Variants in SETD2 observed in about 807,000 individuals in gnomAD.
The protein encoded by SETD2 is histone-lysine N-methyltransferase SETD2.
Under a neutral mutation model 242.1 loss-of-function variants are expected in SETD2, and 31 were observed. The ratio of observed to expected loss-of-function variants is 0.13; its 90% CI spans 0.10 to 0.17. The LOEUF is 0.17. SETD2 is among the 10% of genes least tolerant of loss of function. SETD2 has a pLI of 1.00. For missense variants in SETD2, 2,481 were observed against 3,046.3 expected (o/e 0.81, Z 4.37); for synonymous variants, 1,006 against 1,066.5 (o/e 0.94, Z 1.11).
At chr3:47,106,489 G>T (rs2042424341) in intron 5 of SETD2, among the ~76,000 whole-genome samples, 1 of 82,226 alleles carries the variant, frequency 1.2e-5, no homozygotes. Flanking sequence ...GAGGATTTTT[G>T]CTCTAAAAAA....
chr3:47,046,729 A>AT, intron 15 of SETD2, 108 bp from the exon 16 acceptor site: 2 of 990,004 alleles, frequency 2.0e-6, no homozygotes. Context: ...ACATTTTAAA[A>AT]TTTTTTGTTT....
chr3:47,096,800 A>G (rs1002566149), intron 9 of SETD2, among the ~76,000 whole-genome samples: 1 of 152,162 alleles, frequency 6.6e-6, no homozygotes, highest in Non-Finnish European at 1.5e-5. Flanking sequence ...TAAAAGAGAG[A>G]GAGAGAAAGA....
intron 12 of SETD2, among the ~76,000 whole-genome samples, chr3:47,079,540 T>C (rs916974598): frequency 1.3e-5 from 2 of 152,230 alleles, no homozygotes; most frequent in Non-Finnish European, 2.9e-5. Flanking sequence ...AATGACTTCA[T>C]TCAAAACCAG....
chr3:47,156,226 T>G (rs1241261213), intron 1 of SETD2, among the ~76,000 whole-genome samples: 1 of 152,192 alleles, frequency 6.6e-6, no homozygotes, highest in African/African-American at 2.4e-5. Flanking sequence ...TTGAGAAAAT[T>G]TATTACAAAT....
chr3:47,138,701 G>A (rs573765070), intron 1 of SETD2, among the ~76,000 whole-genome samples: 9 of 151,952 alleles, frequency 5.9e-5, no homozygotes, highest in East Asian at 1.9e-4. Context: ...GATTACAGGC[G>A]TGAGCCACCG....
At chr3:47,135,335 C>A (rs927607878) in intron 1 of SETD2, among the ~76,000 whole-genome samples, 3 of 152,174 alleles carry the variant, frequency 2.0e-5, no homozygotes, top group African/African-American at 7.2e-5. Flanking sequence ...GAGGCAGTGG[C>A]ACAATCTTGG....
At chr3:47,060,782 A>C (rs1405095909) in intron 14 of SETD2, among the ~76,000 whole-genome samples, 1 of 152,236 alleles carries the variant, frequency 6.6e-6, no homozygotes, top group Non-Finnish European at 1.5e-5. Flanking sequence ...ATGTATCAAA[A>C]GGTACAAAAA....
chr3:47,042,404 A>G (rs2039322943), intron 17 of SETD2, among the ~76,000 whole-genome samples, 157 bp downstream of exon 17: 1 of 152,228 alleles, frequency 6.6e-6, no homozygotes, highest in African/African-American at 2.4e-5. Flanking sequence ...TCTAACGTCT[A>G]AAATACACTT....
chr3:47,112,156 C>G (rs1181172364), intron 5 of SETD2, among the ~76,000 whole-genome samples: 1 of 150,208 alleles, frequency 6.7e-6, no homozygotes, highest in Admixed American at 6.6e-5. Context: ...CTCTGTCCCC[C>G]AGGCTGGAAT....
At chr3:47,099,465 T>C (rs1411909103) in intron 8 of SETD2, among the ~76,000 whole-genome samples, 1 of 152,204 alleles carries the variant, frequency 6.6e-6, no homozygotes, top group African/African-American at 2.4e-5. Flanking sequence ...AGATAGACTG[T>C]TTCACGGGTA....
intron 6 of SETD2, among the ~76,000 whole-genome samples, chr3:47,104,552 G>A (rs2042336339): frequency 6.6e-6 from 1 of 151,794 alleles, no homozygotes; most frequent in South Asian, 2.1e-4. Flanking sequence ...AAAAAAAAAA[G>A]TTATTTTTCA....
intron 14 of SETD2, among the ~76,000 whole-genome samples, chr3:47,061,124 A>G (rs2040313951): frequency 6.6e-6 from 1 of 152,182 alleles, no homozygotes; most frequent in Non-Finnish European, 1.5e-5. Flanking sequence ...AGGCTGAGGC[A>G]GGAGAATGGC....
chr3:47,066,970 G>C lies in SETD2; in HGVS notation c.6109+100C>G, dbSNP rs527375171. ...CATTTACCTAGTTATATATTCTCTA[G>C]TTTCAAAAACAAAAACGCTTAAGTT... is the stretch of plus-strand genomic sequence containing the variant. On this transcript the variant is annotated intron_variant, in intron 13 of 20. Transcript: ENST00000409792. 2.1e-4 allele frequency: 171 copies of C among 827,150 alleles called. No homozygotes were observed. In the African/African-American group the frequency reaches 2.9e-3, roughly 14 times the overall value. 51.2% of individuals were successfully genotyped at this position (827,150 alleles called of 1,614,324 possible).
chr3:47,121,365 T>C lies in SETD2; in HGVS notation c.3271A>G (p.Ser1091Gly), dbSNP rs1206755591. ...EETSPCSSRS[S>G]QSYRHYSDHW... ...TCAGAATAGTGTCTATAACTTTGACTGCTCCGAGAAGAACAAGGACTTGTT... is the reference window on the plus strand; with the variant it reads ...TCAGAATAGTGTCTATAACTTTGACCGCTCCGAGAAGAACAAGGACTTGTT... Residue 1091 changes from serine (S) to glycine (G), a missense_variant, in exon 3 of 21, where the codon AGT becomes GGT. By Grantham distance (56) the Ser-to-Gly change is moderately conservative. Transcript: ENST00000409792. The C allele has an allele frequency of 4.3e-6, 7 of 1,609,842 alleles. No homozygotes were observed. Among genetic ancestry groups the C allele is most frequent in the African/African-American group, 1.3e-5 (1 of 75,066 alleles).
At chr3:47,139,004 G>A (rs2043660704) in intron 1 of SETD2, among the ~76,000 whole-genome samples, 1 of 151,980 alleles carries the variant, frequency 6.6e-6, no homozygotes, top group African/African-American at 2.4e-5. Context: ...CTGTCACCCA[G>A]AGTCTAGGCT....
At chr3:47,140,588 C>A (rs965102812) in intron 1 of SETD2, among the ~76,000 whole-genome samples, 4 of 152,184 alleles carry the variant, frequency 2.6e-5, no homozygotes, top group Admixed American at 6.5e-5. Context: ...TGGCCAGGTG[C>A]AGTGGCTCAC....
intron 18 of SETD2, among the ~76,000 whole-genome samples, chr3:47,030,804 G>T (rs1052169557): frequency 6.6e-6 from 1 of 152,162 alleles, no homozygotes; most frequent in Non-Finnish European, 1.5e-5. Context: ...CCTGTACATG[G>T]ATGTTTTTAG....
Position 47,086,297 on chromosome 3 carries a change from G to C in SETD2, c.5295C>G (p.Ser1765=), listed in dbSNP as rs1469356938. 1 of 1,612,560 alleles carries C rather than the reference G, an allele frequency of 6.2e-7. No individual in the cohort carries two copies. Among genetic ancestry groups the C allele is most frequent in the Non-Finnish European group, 8.5e-7 (1 of 1,178,982 alleles). Residue 1765 remains serine (S), a synonymous_variant, in exon 11 of 21, where the codon TCC becomes TCG. Transcript: ENST00000409792. The stretch of plus-strand genomic sequence containing the variant: ...GACGTTCCAGAAAGGACTTCAGGCA[G>C]GACTGTGAGTGTGTGTTCTTTCATG... ...LELIQNTHSQ[S]CLKSFLERHG...
chr3:47,076,204 C>T (rs2041069245), intron 12 of SETD2, among the ~76,000 whole-genome samples: 1 of 152,062 alleles, frequency 6.6e-6, no homozygotes, highest in Non-Finnish European at 1.5e-5. Context: ...AAGAGACATC[C>T]AAAACAAAAG....
Sources: gnomAD v4.1 joint callset for allele counts (sites outside exome capture counted in the v4.1 genomes callset) on GRCh38, gnomAD v4.1.1 for gene constraint, MANE v1.5 for transcripts, NCBI Gene and HGNC (gene_info 2026-07-23, HGNC 2026-07-21) for gene names.